The following TMTC2 variants were observed in gnomAD, a reference collection of about 807,000 sequenced individuals.
The protein encoded by TMTC2 is protein O-mannosyl-transferase TMTC2.
A neutral mutation model predicts 82.4 loss-of-function variants in TMTC2; 43 were observed. The observed-to-expected ratio is 0.52, with a 90% CI of 0.41 to 0.67. The LOEUF (loss-of-function observed/expected upper bound fraction) is 0.67, where lower values mean the gene tolerates loss of function less well. Among genes scored for constraint, TMTC2 ranks in the 30% least tolerant of loss-of-function variants. The pLI is 0.00. For missense variants in TMTC2, 919 were observed against 1,012.4 expected, an observed-to-expected ratio of 0.91 and a Z score of 1.25; for synonymous variants, 408 against 381.9, an observed-to-expected ratio of 1.07 and a Z score of -0.80.
At chr12:82,865,735 T>C (rs916247335) in intron 2 of TMTC2, among the ~76,000 whole-genome samples, 2 of 152,158 alleles carry the variant, frequency 1.3e-5, no homozygotes, top group Non-Finnish European at 2.9e-5. Context: ...ACCGCACTTA[T>C]TCCAAAATTG....
intron 2 of TMTC2, among the ~76,000 whole-genome samples, chr12:82,870,246 C>T (rs191884288): frequency 7.8e-4 from 118 of 152,242 alleles, no homozygotes; most frequent in African/African-American, 2.5e-3. Flanking sequence ...TCCCTCCCAC[C>T]TCAAATAGCT....
At chr12:82,892,278 T>C (rs529165427) in intron 2 of TMTC2, among the ~76,000 whole-genome samples, 1 of 152,342 alleles carries the variant, frequency 6.6e-6, no homozygotes, top group East Asian at 1.9e-4. Flanking sequence ...TTATTACTTA[T>C]GTTTTCTTGT....
chr12:82,876,257 G>A (rs1436701311), intron 2 of TMTC2, among the ~76,000 whole-genome samples: 3 of 151,064 alleles, frequency 2.0e-5, no homozygotes, highest in Non-Finnish European at 2.9e-5. Flanking sequence ...TAGTGATGTT[G>A]ATGGGATGGT....
intron 1 of TMTC2, among the ~76,000 whole-genome samples, chr12:82,774,730 CCAGCATGTCTCCAGT>C (rs1445627852): frequency 6.7e-6 from 1 of 150,064 alleles, no homozygotes; most frequent in Non-Finnish European, 1.5e-5. Context: ...GCCATGCCTT[CCAGCATGTCTCCAGT>C]CTGGGCTATA....
intron 11 of TMTC2, among the ~76,000 whole-genome samples, chr12:83,093,150 C>T (rs1046847409): frequency 3.3e-5 from 5 of 152,094 alleles, no homozygotes; most frequent in Non-Finnish European, 5.9e-5. Context: ...TCCCTATCAA[C>T]GTCTCTCCTC....
chr12:82,712,365 G>T (rs1429724555), intron 1 of TMTC2, among the ~76,000 whole-genome samples: 1 of 148,650 alleles, frequency 6.7e-6, no homozygotes, highest in Non-Finnish European at 1.5e-5. Context: ...AGAAGGTGGA[G>T]GTTGCAGTGA....
At chr12:82,794,318 A>G (rs142498531) in intron 1 of TMTC2, among the ~76,000 whole-genome samples, 23 of 152,212 alleles carry the variant, frequency 1.5e-4, no homozygotes, top group African/African-American at 5.5e-4. Flanking sequence ...TGAAAGGTAT[A>G]AATGATGCAC....
chr12:82,913,461 G>T (rs369436455), intron 3 of TMTC2, among the ~76,000 whole-genome samples: 1 of 152,192 alleles, frequency 6.6e-6, no homozygotes, highest in South Asian at 2.1e-4. Context: ...CTGATTATTT[G>T]AAAGGAAAAT....
At chr12:82,708,316 A>T (rs1873466623) in intron 1 of TMTC2, among the ~76,000 whole-genome samples, 1 of 152,210 alleles carries the variant, frequency 6.6e-6, no homozygotes, top group Non-Finnish European at 1.5e-5. Flanking sequence ...TGAGAAACAC[A>T]GGTCTACGAT....
At chr12:83,064,024 TTTTC>T (rs1290860393) in intron 11 of TMTC2, among the ~76,000 whole-genome samples, 1 of 134,542 alleles carries the variant, frequency 7.4e-6, no homozygotes, top group Non-Finnish European at 1.7e-5. Flanking sequence ...AGATCAGAGT[TTTTC>T]TTTTTTTTTT....
intron 2 of TMTC2, among the ~76,000 whole-genome samples, chr12:82,880,830 T>C (rs1299581802): frequency 6.6e-6 from 1 of 152,184 alleles, no homozygotes; most frequent in East Asian, 1.9e-4. Flanking sequence ...AAAAGAGAAG[T>C]GGATGCAGGG....
intron 11 of TMTC2, among the ~76,000 whole-genome samples, chr12:83,081,949 T>G (rs922164839): frequency 2.0e-5 from 3 of 152,132 alleles, no homozygotes; most frequent in Non-Finnish European, 4.4e-5. Flanking sequence ...ACCACTGTAC[T>G]CCATCCTGGG....
intron 2 of TMTC2, among the ~76,000 whole-genome samples, chr12:82,859,796 C>T (rs1327443325): frequency 6.6e-6 from 1 of 151,996 alleles, no homozygotes; most frequent in Non-Finnish European, 1.5e-5. Flanking sequence ...TGCCCAGACT[C>T]TCTTGGCGAC....
intron 11 of TMTC2, among the ~76,000 whole-genome samples, chr12:83,071,642 T>C (rs1297914043): frequency 6.6e-6 from 1 of 152,216 alleles, no homozygotes; most frequent in African/African-American, 2.4e-5. Flanking sequence ...ATTTTTGTTG[T>C]TGTTTTTGGT....
intron 8 of TMTC2, among the ~76,000 whole-genome samples, chr12:83,009,731 C>G (rs1050967653): frequency 6.6e-6 from 1 of 152,130 alleles, no homozygotes; most frequent in African/African-American, 2.4e-5. Context: ...TCTAGGTTGT[C>G]TAATATAACA....
chr12:83,033,202 G>A (rs377067242), intron 9 of TMTC2, among the ~76,000 whole-genome samples: 20 of 152,278 alleles, frequency 1.3e-4, no homozygotes, highest in East Asian at 5.8e-4. Context: ...AATTGAGTGC[G>A]TGAGATTCTT....
rs552949059 is a variant in TMTC2 at position 82,727,107 on chromosome 12, GA to G, written c.83+39448del. On this transcript the variant is annotated intron_variant, in intron 1 of 11. Coordinates refer to ENST00000321196, the MANE Select transcript of TMTC2 (RefSeq NM_152588.3). ...TTGTGTTGGAACTTTAAAACTAATT[GA>G]AAAAAAAAACAACCAGAAAACTTAT... Among the ~76,000 whole-genome samples, 12 of 139,358 alleles carry G rather than the reference GA, an allele frequency of 8.6e-5. No individual in the cohort carries two copies. In the South Asian group the frequency reaches 1.2e-3, roughly 13 times the overall value. 91.4% of individuals were successfully genotyped at this position (139,358 alleles called of 152,430 possible).
chr12:82,909,867 AGAGTT>A (rs1421164821), intron 3 of TMTC2, among the ~76,000 whole-genome samples: 10 of 152,356 alleles, frequency 6.6e-5, no homozygotes, highest in Admixed American at 1.3e-4. Context: ...ATTTGAGAAT[AGAGTT>A]AAGATCAGAG....
intron 9 of TMTC2, among the ~76,000 whole-genome samples, chr12:83,044,078 A>G (rs988536821): frequency 6.6e-6 from 1 of 152,194 alleles, no homozygotes; most frequent in African/African-American, 2.4e-5. Flanking sequence ...TACCTTTGGG[A>G]AGCATGTGTG....
Sources: allele counts gnomAD v4.1 joint callset (sites outside exome capture counted in the v4.1 genomes callset), GRCh38; gene constraint gnomAD v4.1.1; transcripts MANE v1.5; gene names NCBI Gene and HGNC (gene_info 2026-07-23, HGNC 2026-07-21).